CBFA2T2: variants seen among roughly 807,000 people sequenced by gnomAD.
CBFA2T2 encodes the protein protein CBFA2T2.
In CBFA2T2, 11 loss-of-function variants were observed where a neutral mutation model predicts 62.2. That is an observed-to-expected ratio of 0.18 (90% confidence interval 0.11 to 0.29). The LOEUF is 0.29. Among genes scored for constraint, CBFA2T2 ranks in the 10% least tolerant of loss-of-function variants. CBFA2T2 has a pLI of 1.00. For synonymous variants in CBFA2T2, 295 were observed against 287.5 expected (o/e 1.03, Z -0.27); for missense variants, 592 against 774.1 (o/e 0.76, Z 2.79).
intron 1 of CBFA2T2, among the ~76,000 whole-genome samples, chr20:33,544,699 G>A (rs566272328): frequency 3.3e-5 from 5 of 151,652 alleles, no homozygotes; most frequent in Admixed American, 6.6e-5. Context: ...GGCACCTGCC[G>A]CCACGCCTGT....
At chr20:33,584,794 T>C (rs888568316) in intron 1 of CBFA2T2, among the ~76,000 whole-genome samples, 1 of 152,198 alleles carries the variant, frequency 6.6e-6, no homozygotes, top group Non-Finnish European at 1.5e-5. Context: ...ACTTAATTGC[T>C]TATTTTATAG....
At position 33,617,687 on chromosome 20, in the gene CBFA2T2, T is replaced by C. The variant is rs116053832; in HGVS notation, c.421-1830T>C. Among the ~76,000 whole-genome samples, 727 of 152,354 alleles carry C rather than the reference T, an allele frequency of 4.8e-3. 8 individuals carry two copies. The highest frequency in any genetic ancestry group is 0.016 in the African/African-American group (670 of 41,584). ...TTCTCTTACACTTAGTTTTTATTCCTGATTACCAGAATTACAGGTTTCTTT... is the reference window on the plus strand; with the variant it reads ...TTCTCTTACACTTAGTTTTTATTCCCGATTACCAGAATTACAGGTTTCTTT... On this transcript the variant is annotated intron_variant, in intron 3 of 10. Coordinates refer to ENST00000342704, the MANE Select transcript of CBFA2T2 (RefSeq NM_001032999.3).
chr20:33,540,915 A>G (rs2012394230), intron 1 of CBFA2T2, among the ~76,000 whole-genome samples: 2 of 152,204 alleles, frequency 1.3e-5, no homozygotes, highest in Admixed American at 1.3e-4. Flanking sequence ...CTATTCACAT[A>G]GAATATAATG....
At chr20:33,628,138 T>A (rs949755487) in intron 6 of CBFA2T2, among the ~76,000 whole-genome samples, 2 of 152,266 alleles carry the variant, frequency 1.3e-5, no homozygotes, top group African/African-American at 2.4e-5. Context: ...TATTTCGTGT[T>A]TTACAATTGA....
At chr20:33,557,002 A>ATTTTTT (rs2012917004) in intron 1 of CBFA2T2, among the ~76,000 whole-genome samples, 1 of 59,510 alleles carries the variant, frequency 1.7e-5, no homozygotes, top group African/African-American at 8.3e-5. Flanking sequence ...TTGCATGCTT[A>ATTTTTT]TCTTTTTTTT....
intron 1 of CBFA2T2, among the ~76,000 whole-genome samples, chr20:33,553,105 C>T (rs1392182829): frequency 1.3e-5 from 2 of 152,196 alleles, no homozygotes; most frequent in Non-Finnish European, 2.9e-5. Flanking sequence ...ACTGTAAGCT[C>T]CCTGAGAGCA....
At chr20:33,557,307 C>G (rs2012929240) in intron 1 of CBFA2T2, among the ~76,000 whole-genome samples, 1 of 152,062 alleles carries the variant, frequency 6.6e-6, no homozygotes, top group South Asian at 2.1e-4. Flanking sequence ...GCCACTGCGC[C>G]CAGCTGTGTG....
At chr20:33,515,086 C>T (rs1408809963) in intron 1 of CBFA2T2, among the ~76,000 whole-genome samples, 5 of 151,724 alleles carry the variant, frequency 3.3e-5, no homozygotes, top group East Asian at 3.9e-4. Context: ...TGGTGGCTCA[C>T]GCCTGTAATC....
intron 1 of CBFA2T2, among the ~76,000 whole-genome samples, chr20:33,579,988 A>AT (rs1006875353): frequency 2.7e-4 from 41 of 151,200 alleles, no homozygotes; most frequent in Admixed American, 1.4e-3. Context: ...CTAATTTTGT[A>AT]TTTTTTTTAG....
chr20:33,514,708 T>C (rs1008725946), intron 1 of CBFA2T2, among the ~76,000 whole-genome samples: 1 of 151,916 alleles, frequency 6.6e-6, no homozygotes, highest in African/African-American at 2.4e-5. Context: ...TTATTATTAT[T>C]ATTTTTAAAG....
intron 1 of CBFA2T2, among the ~76,000 whole-genome samples, chr20:33,561,811 A>G (rs2013100967): frequency 6.6e-6 from 1 of 152,188 alleles, no homozygotes; most frequent in Admixed American, 6.5e-5. Flanking sequence ...ACAGCATCAG[A>G]ACCATGTTGC....
chr20:33,495,386 CAAA>C (rs1214253879), intron 1 of CBFA2T2, among the ~76,000 whole-genome samples: 3 of 53,352 alleles, frequency 5.6e-5, no homozygotes. Flanking sequence ...AACTCTATCT[CAAA>C]AAAAAAAAAA....
intron 1 of CBFA2T2, among the ~76,000 whole-genome samples, chr20:33,592,234 G>A (rs1292700005): frequency 2.6e-5 from 4 of 151,712 alleles, no homozygotes; most frequent in South Asian, 2.1e-4. Context: ...ATCGTGGCAC[G>A]CGTCTGTAAT....
intron 1 of CBFA2T2, among the ~76,000 whole-genome samples, chr20:33,514,104 T>C (rs1479147477): frequency 2.0e-5 from 3 of 151,402 alleles, no homozygotes; most frequent in Non-Finnish European, 2.9e-5. Context: ...GATTTTACCA[T>C]GTTGGTCAGG....
In CBFA2T2 at chr20:33,644,604, A is replaced by G; in HGVS notation, c.1746A>G (p.Ser582=). The change falls in exon 11 of 11, where the codon TCA becomes TCG. Residue 582 remains serine (S), a synonymous_variant. Transcript: ENST00000342704. ...DKTSATTSRS[S]TPASVTAIDT... is the part of the protein sequence containing the mutation. ...CCTCGGCAACCACATCGCGTTCCTCAACACCTGCTTCTGTGACAGCTATCG... is the reference window on the plus strand; with the variant it reads ...CCTCGGCAACCACATCGCGTTCCTCGACACCTGCTTCTGTGACAGCTATCG... 4 of 1,611,266 alleles carry G rather than the reference A, an allele frequency of 2.5e-6. No homozygotes were observed. The highest frequency in any genetic ancestry group is 3.4e-6 in the Non-Finnish European group (4 of 1,177,718).
chr20:33,611,289 C>T lies in CBFA2T2; in HGVS notation c.374C>T (p.Ser125Phe), dbSNP rs2015518956. ...TTLQQFGNDI[S>F]PEIGEKVRTL... is the part of the protein sequence containing the mutation. ...CTGCAACAGTTTGGCAATGACATCTCCCCTGAGATTGGGGAGAAGGTGCGG... is the reference window on the plus strand; with the variant it reads ...CTGCAACAGTTTGGCAATGACATCTTCCCTGAGATTGGGGAGAAGGTGCGG... The change falls in exon 3 of 11, where the codon TCC becomes TTC. Residue 125 changes from serine (S) to phenylalanine (F), a missense_variant. Physicochemically the swap from Ser to Phe is radical, Grantham distance 155 (BLOSUM62 -2). Coordinates refer to ENST00000342704, the MANE Select transcript of CBFA2T2 (RefSeq NM_001032999.3). 2 of 1,614,202 alleles carry T rather than the reference C, an allele frequency of 1.2e-6. No individual in the cohort carries two copies. Among genetic ancestry groups the T allele is most frequent in the Non-Finnish European group, 1.7e-6 (2 of 1,180,024 alleles).
chr20:33,514,278 G>A (rs1309646354), intron 1 of CBFA2T2, among the ~76,000 whole-genome samples: 2 of 142,146 alleles, frequency 1.4e-5, no homozygotes, highest in East Asian at 2.1e-4. Flanking sequence ...GCAGTGGTGC[G>A]ATCTCGGCTC....
rs566408716 is a variant in CBFA2T2, at chr20:33,608,067, G to A, written c.178+968G>A. On this transcript the variant is annotated intron_variant, in intron 2 of 10. Transcript: ENST00000342704. The stretch of plus-strand genomic sequence containing the variant: ...TGGAGTGTAATTTAGTACATCTTTT[G>A]GAAATTGGCAGTTTGCACTAATGCT... Among the ~76,000 whole-genome samples the A allele has an allele frequency of 4.0e-3, 609 of 152,254 alleles. 1 individual carries two copies. Among genetic ancestry groups the A allele is most frequent in the Admixed American group, 6.5e-3 (100 of 15,292 alleles).
At chr20:33,594,380 CCTGT>C (rs1382258346) in intron 1 of CBFA2T2, among the ~76,000 whole-genome samples, 1 of 152,108 alleles carries the variant, frequency 6.6e-6, no homozygotes, top group Non-Finnish European at 1.5e-5. Context: ...TGCCACCACA[CCTGT>C]CTAATTTTTA....
Sources: gnomAD v4.1 joint callset for allele counts (sites outside exome capture counted in the v4.1 genomes callset) on GRCh38, gnomAD v4.1.1 for gene constraint, MANE v1.5 for transcripts, NCBI Gene and HGNC (gene_info 2026-07-23, HGNC 2026-07-21) for gene names.